The following MRTFA variants were observed in gnomAD, a reference collection of about 807,000 sequenced individuals.
MRTFA encodes the protein myocardin-related transcription factor A.
In MRTFA, 20 loss-of-function variants were observed where a neutral mutation model predicts 83.5. The ratio of observed to expected loss-of-function variants is 0.24; its 90% CI spans 0.17 to 0.35. The LOEUF is 0.35. MRTFA is among the 10% of genes least tolerant of loss of function. The pLI is 1.00. For missense variants in MRTFA, 1,200 were observed against 1,224.7 expected (o/e 0.98, Z 0.30); for synonymous variants, 659 against 541.2 (o/e 1.22, Z -3.02).
rs374067426 is a variant in MRTFA, at chr22:40,463,228, G to A, written c.300C>T (p.Ile100=). Residue 100 remains isoleucine (I), a synonymous_variant, in exon 4 of 15, where the codon ATC becomes ATT. Coordinates refer to ENST00000355630, the MANE Select transcript of MRTFA (RefSeq NM_020831.6). ...AGAGAGAGAGGCACTTACGCGGCATGATCCCTTGGCTCACCAGTTCTTCCC... is the reference window on the plus strand; with the variant it reads ...AGAGAGAGAGGCACTTACGCGGCATAATCCCTTGGCTCACCAGTTCTTCCC... 63 of 1,613,790 alleles carry A rather than the reference G, an allele frequency of 3.9e-5. No homozygotes were observed. Among genetic ancestry groups the A allele is most frequent in the Non-Finnish European group, 5.3e-5 (63 of 1,179,858 alleles).
intron 1 of MRTFA, among the ~76,000 whole-genome samples, chr22:40,615,516 G>T (rs1268785230): frequency 6.6e-6 from 1 of 152,134 alleles, no homozygotes; most frequent in Non-Finnish European, 1.5e-5. Flanking sequence ...GTCCTGCTGA[G>T]ATTTTGGGGA....
At chr22:40,499,797 A>G (rs1335984556) in intron 3 of MRTFA, among the ~76,000 whole-genome samples, 1 of 151,650 alleles carries the variant, frequency 6.6e-6, no homozygotes, top group Non-Finnish European at 1.5e-5. Context: ...GGTCAAACTG[A>G]TTTTACTTCA....
Position 40,417,498 on chromosome 22 carries a change from A to G in MRTFA, c.2365-5T>C. The G allele has an allele frequency of 2.2e-6, 3 of 1,343,902 alleles. No individual in the cohort carries two copies. The highest frequency in any genetic ancestry group is 3.0e-6 in the Non-Finnish European group (3 of 1,016,182). The allele number at this position is 1,343,902 out of a possible 1,614,324, so 83.2% of individuals were successfully genotyped here. Reference sequence around the variant, plus strand: ...AGAGCCAGGCTGGGACGAGGGCTGGACAGGAGAGCAGGGAGAGGACCAGTG... The same window carrying G: ...AGAGCCAGGCTGGGACGAGGGCTGGGCAGGAGAGCAGGGAGAGGACCAGTG... On this transcript the variant is annotated splice_region_variant and splice_polypyrimidine_tract_variant and intron_variant, in intron 12 of 14. Transcript: ENST00000355630.
intron 3 of MRTFA, among the ~76,000 whole-genome samples, chr22:40,535,354 TTTTTTTTTTTTC>T (rs1221713613): frequency 7.3e-6 from 1 of 136,892 alleles, no homozygotes. Flanking sequence ...TTTTCTTTTT[TTTTTTTTTTTTC>T]TTTTTGAGAC....
intron 1 of MRTFA, among the ~76,000 whole-genome samples, chr22:40,603,608 T>C (rs536888777): frequency 5.3e-5 from 8 of 152,218 alleles, no homozygotes; most frequent in Admixed American, 3.3e-4. Context: ...TTTTTGCTTC[T>C]GGTTTTTCCA....
At chr22:40,523,961 A>G (rs1711779308) in intron 3 of MRTFA, among the ~76,000 whole-genome samples, 1 of 152,224 alleles carries the variant, frequency 6.6e-6, no homozygotes, top group Admixed American at 6.5e-5. Context: ...TAGTTCCTCA[A>G]GATCCTATTT....
Position 40,419,303 on chromosome 22 carries a change from C to T in MRTFA, c.1435G>A (p.Ala479Thr), listed in dbSNP as rs2052773736. Residue 479 changes from alanine (A) to threonine (T), a missense_variant, in exon 12 of 15, where the codon GCC (alanine) becomes ACC (threonine). Coordinates refer to ENST00000355630, the MANE Select transcript of MRTFA (RefSeq NM_020831.6). The stretch of plus-strand genomic sequence containing the variant: ...ACAGGGCTGATTTGGTCTTGATAGG[C>T]TCGAAGGCGCTCAATCAGCTCAGTT... 1 of 1,613,878 alleles carries T rather than the reference C, an allele frequency of 6.2e-7. No individual in the cohort carries two copies. Among genetic ancestry groups the T allele is most frequent in the Non-Finnish European group, 8.5e-7 (1 of 1,180,014 alleles).
intron 2 of MRTFA, among the ~76,000 whole-genome samples, chr22:40,556,766 C>A (rs1000462304): frequency 4.6e-5 from 7 of 152,170 alleles, no homozygotes; most frequent in African/African-American, 1.7e-4. Flanking sequence ...AACTGTTACA[C>A]AGGATTAATC....
At chr22:40,565,290 C>T (rs5750961) in intron 2 of MRTFA, among the ~76,000 whole-genome samples, 46,253 of 151,988 alleles carry the variant, frequency 0.3, 7,824 homozygotes, top group East Asian at 0.63. Flanking sequence ...TGCATGCCTG[C>T]AATCCCAGGA....
intron 2 of MRTFA, among the ~76,000 whole-genome samples, chr22:40,586,035 G>A (rs2056022991): frequency 6.6e-6 from 1 of 152,160 alleles, no homozygotes; most frequent in Non-Finnish European, 1.5e-5. Flanking sequence ...ATACTTACGT[G>A]TGTATTGGGT....
chr22:40,512,419 A>T (rs1372308552), intron 3 of MRTFA, among the ~76,000 whole-genome samples: 1 of 152,162 alleles, frequency 6.6e-6, no homozygotes, highest in African/African-American at 2.4e-5. Flanking sequence ...ATAGACAATC[A>T]CCTAGAAACA....
chr22:40,459,222 A>C (rs1301420772), intron 4 of MRTFA, among the ~76,000 whole-genome samples: 1 of 129,870 alleles, frequency 7.7e-6, no homozygotes, highest in African/African-American at 3.1e-5. Context: ...AGGGTTACTC[A>C]CTAGGTAGGG....
chr22:40,501,959 G>T (rs1341545729), intron 3 of MRTFA, among the ~76,000 whole-genome samples: 1 of 120,410 alleles, frequency 8.3e-6, no homozygotes, highest in Non-Finnish European at 1.8e-5. Flanking sequence ...CCTCCCAGAC[G>T]GGGCGGCTGG....
At chr22:40,569,769 ATACATAC>A (rs1401616618) in intron 2 of MRTFA, 1 of 145,416 alleles carries the variant, frequency 6.9e-6, no homozygotes, top group African/African-American at 2.6e-5. Context: ...ACATACATAC[ATACATAC>A]ATCAAGGGGG....
rs1456009071 is a variant in MRTFA, at chr22:40,429,733, C to T, written c.474G>A (p.Gln158=). 6.2e-7 allele frequency: 1 copy of T among 1,613,908 alleles called. No individual in the cohort carries two copies. Among genetic ancestry groups the T allele is most frequent in the African/African-American group, 1.3e-5 (1 of 75,026 alleles). ...CTAGTCTGGCTCTCTTCAGCTTCAG[C>T]TGCTTGGCCTGGAGGGATGGCTCAG... Residue 158 remains glutamine (Q), a synonymous_variant, in exon 7 of 15, where the codon CAG becomes CAA. Coordinates refer to ENST00000355630, the MANE Select transcript of MRTFA (RefSeq NM_020831.6).
At chr22:40,500,220 C>T (rs2054436387) in intron 3 of MRTFA, among the ~76,000 whole-genome samples, 1 of 150,004 alleles carries the variant, frequency 6.7e-6, no homozygotes, top group African/African-American at 2.4e-5. Context: ...TGAGCCACCG[C>T]GCCCGGCCCA....
At chr22:40,535,291 T>C (rs1011545665) in intron 3 of MRTFA, among the ~76,000 whole-genome samples, 3 of 151,798 alleles carry the variant, frequency 2.0e-5, no homozygotes, top group African/African-American at 7.3e-5. Flanking sequence ...TTGAGAAGAT[T>C]GAGTCATTCC....
intron 1 of MRTFA, among the ~76,000 whole-genome samples, chr22:40,614,874 G>GT (rs1332837871): frequency 6.6e-6 from 1 of 152,040 alleles, no homozygotes; most frequent in Non-Finnish European, 1.5e-5. Flanking sequence ...AATTTTTAAA[G>GT]TTTTTTAAAA....
At chr22:40,438,142 T>C (rs2053206999) in intron 4 of MRTFA, among the ~76,000 whole-genome samples, 2 of 152,128 alleles carry the variant, frequency 1.3e-5, no homozygotes, top group South Asian at 4.1e-4. Flanking sequence ...GTGCTACCAA[T>C]TACTGCTGGG....
Sources: allele counts gnomAD v4.1 joint callset (sites outside exome capture counted in the v4.1 genomes callset), GRCh38; gene constraint gnomAD v4.1.1; transcripts MANE v1.5; gene names NCBI Gene and HGNC (gene_info 2026-07-23, HGNC 2026-07-21).